The following B4GALT6 variants were observed in gnomAD, a reference collection of about 807,000 sequenced individuals.
B4GALT6 encodes the protein UDP-Gal:beta-GlcNAc beta-1,4-galactosyltransferase 6.
A neutral mutation model predicts 46.3 loss-of-function variants in B4GALT6; 14 were observed. That is an observed-to-expected ratio of 0.30 (90% CI 0.20 to 0.47). The LOEUF (loss-of-function observed/expected upper bound fraction) is 0.47. B4GALT6 is among the 20% of genes least tolerant of loss of function. The pLI is 0.99. For missense variants in B4GALT6, 386 were observed against 480.1 expected (o/e 0.80, Z 1.83); for synonymous variants, 168 against 162.0 (o/e 1.04, Z -0.28).
intron 6 of B4GALT6, among the ~76,000 whole-genome samples, chr18:31,628,318 C>T (rs1274534953): frequency 6.6e-6 from 1 of 152,100 alleles, no homozygotes; most frequent in Non-Finnish European, 1.5e-5. Context: ...TTCTTGGCAC[C>T]GTGTACTTCC....
upstream of B4GALT6, among the ~76,000 whole-genome samples, chr18:31,688,273 A>G (rs914951137): frequency 1.3e-5 from 2 of 149,726 alleles, no homozygotes; most frequent in Non-Finnish European, 3.0e-5. Context: ...ATATATATAT[A>G]CACACACACA....
intron 1 of B4GALT6, among the ~76,000 whole-genome samples, chr18:31,682,517 G>A (rs1402983110): frequency 6.6e-6 from 1 of 151,984 alleles, no homozygotes; most frequent in African/African-American, 2.4e-5. Flanking sequence ...ACCGTTCTAT[G>A]GCAAACATTA....
At chr18:31,720,894 A>C in the B4GALT6 span, among the ~76,000 whole-genome samples, 3 of 152,218 alleles carry the variant, frequency 2.0e-5, no homozygotes, top group Non-Finnish European at 4.4e-5. Flanking sequence ...AGGCACATCC[A>C]AAGTGGCTGA....
intron 1 of B4GALT6, among the ~76,000 whole-genome samples, chr18:31,675,990 G>C (rs2074409968): frequency 6.6e-6 from 1 of 152,152 alleles, no homozygotes; most frequent in Non-Finnish European, 1.5e-5. Context: ...ATGAGAATCA[G>C]AGAAGGGAAC....
the B4GALT6 span, among the ~76,000 whole-genome samples, chr18:31,708,566 T>C: frequency 6.6e-6 from 1 of 151,398 alleles, no homozygotes; most frequent in South Asian, 2.1e-4. Context: ...CTCGTCTCAA[T>C]AAAAAATAAA....
intron 1 of B4GALT6, among the ~76,000 whole-genome samples, chr18:31,683,691 C>G (rs2074507583): frequency 6.6e-6 from 1 of 152,016 alleles, no homozygotes; most frequent in Admixed American, 6.6e-5. Context: ...AGAAGTCATC[C>G]TAACAGGTAG....
At chr18:31,717,890 G>A in the B4GALT6 span, among the ~76,000 whole-genome samples, 1 of 149,542 alleles carries the variant, frequency 6.7e-6, no homozygotes, top group African/African-American at 2.5e-5. Context: ...GGAGGCGGAG[G>A]TTGTGGTGAG....
In B4GALT6 at chr18:31,684,451, A is replaced by G; in HGVS notation, c.-25T>C. 6.2e-7 allele frequency: 1 copy of G among 1,610,344 alleles called. No individual in the cohort carries two copies. Among genetic ancestry groups the G allele is most frequent in the South Asian group, 1.1e-5 (1 of 90,682 alleles). On this transcript the variant is annotated 5_prime_UTR_variant, in exon 1 of 9. Transcript: ENST00000306851. ...TCTTCCTCTTCCCTGCCAGCAGCCC[A>G]GGCTGCGCTCTCAGGCCGGACTCGG...
chr18:31,707,464 A>G, the B4GALT6 span, among the ~76,000 whole-genome samples: 1 of 152,082 alleles, frequency 6.6e-6, no homozygotes, highest in Non-Finnish European at 1.5e-5. Context: ...TTTTGCCACA[A>G]AAAAAGGTGG....
the B4GALT6 span, among the ~76,000 whole-genome samples, chr18:31,713,651 C>CT: frequency 6.6e-6 from 1 of 152,302 alleles, no homozygotes; most frequent in African/African-American, 2.4e-5. Context: ...TAATTGATAT[C>CT]TATCTCAGAC....
In B4GALT6 at chr18:31,684,429, T is replaced by G; in HGVS notation, c.-3A>C. On this transcript the variant is annotated 5_prime_UTR_variant, in exon 1 of 9. Coordinates refer to ENST00000306851, the MANE Select transcript of B4GALT6 (RefSeq NM_004775.5). Reference sequence around the variant, plus strand: ...ATCATCCGCCTGAGCACAGACATCTTCCTCTTCCCTGCCAGCAGCCCAGGC... The same window carrying G: ...ATCATCCGCCTGAGCACAGACATCTGCCTCTTCCCTGCCAGCAGCCCAGGC... 1 of 1,612,858 alleles carries G rather than the reference T, an allele frequency of 6.2e-7. No individual in the cohort carries two copies. The highest frequency in any genetic ancestry group is 8.5e-7 in the Non-Finnish European group (1 of 1,179,480).
intron 1 of B4GALT6, among the ~76,000 whole-genome samples, chr18:31,673,121 G>A (rs1312853922): frequency 6.6e-6 from 1 of 152,280 alleles, no homozygotes; most frequent in African/African-American, 2.4e-5. Flanking sequence ...AAAGAAGCAA[G>A]AGGAAGGAGA....
intron 8 of B4GALT6, 74 bp downstream of exon 8, chr18:31,626,209 A>G (rs1021509455): frequency 2.2e-5 from 18 of 828,306 alleles, no homozygotes; most frequent in Admixed American, 2.0e-4. Flanking sequence ...TTGGGGTTCA[A>G]TGCATTTTTA....
chr18:31,627,525 A>G (rs888206018), intron 6 of B4GALT6, among the ~76,000 whole-genome samples: 4 of 152,146 alleles, frequency 2.6e-5, no homozygotes, highest in African/African-American at 9.7e-5. Flanking sequence ...CTGAATTATA[A>G]ACGCATTATT....
intron 1 of B4GALT6, among the ~76,000 whole-genome samples, chr18:31,683,036 T>A (rs2074498948): frequency 6.6e-6 from 1 of 152,210 alleles, no homozygotes; most frequent in African/African-American, 2.4e-5. Flanking sequence ...AACTTTACCC[T>A]AAAACTTCTA....
chr18:31,722,626 A>G, the B4GALT6 span, among the ~76,000 whole-genome samples: 1 of 152,192 alleles, frequency 6.6e-6, no homozygotes, highest in Admixed American at 6.5e-5. Flanking sequence ...GGCTCAGCTT[A>G]GCCTAGGAGC....
intron 1 of B4GALT6, among the ~76,000 whole-genome samples, chr18:31,667,921 C>T (rs529129526): frequency 6.6e-6 from 1 of 151,902 alleles, no homozygotes; most frequent in African/African-American, 2.4e-5. Context: ...ATGGTGAAAC[C>T]CCATCTCTAC....
the B4GALT6 span, among the ~76,000 whole-genome samples, chr18:31,723,357 G>A: frequency 6.6e-6 from 1 of 152,108 alleles, no homozygotes; most frequent in Non-Finnish European, 1.5e-5. Flanking sequence ...TGGCTATGGG[G>A]GAAGTCAGCT....
the B4GALT6 span, among the ~76,000 whole-genome samples, chr18:31,706,526 G>C: frequency 6.6e-6 from 1 of 152,132 alleles, no homozygotes; most frequent in Non-Finnish European, 1.5e-5. Context: ...AGCTACTGGG[G>C]TGGCTGAGGC....
Sources: gnomAD v4.1 joint callset for allele counts (sites outside exome capture counted in the v4.1 genomes callset) on GRCh38, gnomAD v4.1.1 for gene constraint, MANE v1.5 for transcripts, NCBI Gene and HGNC (gene_info 2026-07-23, HGNC 2026-07-21) for gene names.